The following FGGY variants were observed in gnomAD, a reference collection of about 807,000 sequenced individuals.
FGGY encodes FGGY carbohydrate kinase domain containing, also known as FGGY carbohydrate kinase domain-containing protein.
Under a neutral mutation model 71.3 loss-of-function variants are expected in FGGY, and 72 were observed. The observed-to-expected ratio is 1.01, with a 90% CI of 0.84 to 1.23. FGGY has a LOEUF of 1.23. Among genes scored for constraint, FGGY ranks in the 50% most tolerant of loss-of-function variants. FGGY has a pLI of 0.00. For synonymous variants in FGGY, 251 were observed against 250.3 expected (o/e 1.00, Z -0.02); for missense variants, 668 against 682.3 (o/e 0.98, Z 0.23).
Position 59,638,265 on chromosome 1 carries a change from G to C in FGGY, c.1111G>C (p.Asp371His), listed in dbSNP as rs138061070. ...ATATGCATATTTGAACAGTCACCTG[G>C]ATCTGATTAAGAAGGCTCAGCCTGT... is the stretch of plus-strand genomic sequence containing the variant. Reference protein sequence around the residue: ...SIYAYLNSHLDLIKKAQPVGF... With the variant: ...SIYAYLNSHLHLIKKAQPVGF... Residue 371 changes from aspartate (D) to histidine (H), a missense_variant, in exon 11 of 16, where the codon GAT becomes CAT. Asp to His is a moderately conservative substitution (Grantham distance 81, BLOSUM62 -1). Coordinates refer to ENST00000303721, the MANE Select transcript of FGGY (RefSeq NM_018291.5). 163 of 1,614,142 alleles carry C rather than the reference G, an allele frequency of 1.0e-4. No individual in the cohort carries two copies. The African/African-American group carries it at 2.1e-3, about 20-fold the overall frequency.
At chr1:59,400,551 T>G (rs2061825988) in intron 5 of FGGY, among the ~76,000 whole-genome samples, 2 of 151,894 alleles carry the variant, frequency 1.3e-5, no homozygotes. Flanking sequence ...TTTTGTTTTT[T>G]TTTTTTGTAT....
In FGGY at chr1:59,757,983, A is replaced by C. The variant is rs138656316; in HGVS notation, c.1565A>C (p.Gln522Pro). The change falls in exon 15 of 16, where the codon CAG (glutamine) becomes CCG (proline). Residue 522 changes from glutamine (Q) to proline (P), a missense_variant. This residue lies in a region of FGGY where 661 missense variants were observed against 661.6 expected (regional missense o/e 1.00). Coordinates refer to ENST00000303721, the MANE Select transcript of FGGY (RefSeq NM_018291.5). ...GGGAAAGTTGTGTTCCCGAGACTAC[A>C]GGATAAAAAGTAAGTGTGTATTTTT... ...KVGKVVFPRL[Q>P]DKKYYDKKYQ... 1 of 1,612,416 alleles carries C rather than the reference A, an allele frequency of 6.2e-7. No individual in the cohort carries two copies. Among genetic ancestry groups the C allele is most frequent in the South Asian group, 1.1e-5 (1 of 90,782 alleles).
intron 7 of FGGY, among the ~76,000 whole-genome samples, chr1:59,553,147 T>C (rs1179724503): frequency 1.3e-5 from 2 of 151,998 alleles, no homozygotes; most frequent in African/African-American, 4.8e-5. Context: ...GGATTAGAGA[T>C]TGAGAGCAAA....
At chr1:59,593,364 G>T (rs544693055) in intron 8 of FGGY, among the ~76,000 whole-genome samples, 35 of 152,256 alleles carry the variant, frequency 2.3e-4, no homozygotes, top group Admixed American at 1.1e-3. Context: ...GTCATGAAGG[G>T]TTCTTTAGGA....
intron 6 of FGGY, among the ~76,000 whole-genome samples, chr1:59,509,424 C>T (rs2094466956): frequency 6.6e-6 from 1 of 152,168 alleles, no homozygotes; most frequent in Admixed American, 6.5e-5. Flanking sequence ...CGCTTTCCTC[C>T]TGGCTTAATG....
At chr1:59,460,168 T>C (rs2092057293) in intron 6 of FGGY, among the ~76,000 whole-genome samples, 3 of 152,096 alleles carry the variant, frequency 2.0e-5, no homozygotes, top group Admixed American at 1.3e-4. Context: ...TGACAGACTG[T>C]ATCTGGAAAA....
intron 12 of FGGY, chr1:59,660,533 T>C (rs928647277): frequency 2.9e-6 from 1 of 348,184 alleles, no homozygotes; most frequent in Non-Finnish European, 5.2e-6. Flanking sequence ...AGATTATACT[T>C]GTCATTTATC....
At chr1:59,753,502 A>ATATATATG (rs1329758638) in intron 14 of FGGY, among the ~76,000 whole-genome samples, 3 of 117,808 alleles carry the variant, frequency 2.5e-5, no homozygotes, top group Admixed American at 8.9e-5. Context: ...ATATATATAT[A>ATATATATG]TATATATATA....
intron 5 of FGGY, among the ~76,000 whole-genome samples, chr1:59,433,554 A>G (rs1042153387): frequency 6.6e-6 from 1 of 152,156 alleles, no homozygotes; most frequent in Non-Finnish European, 1.5e-5. Flanking sequence ...TGGGTCATGG[A>G]GACCATCTGT....
At chr1:59,340,980 C>G (rs1335953885) in intron 3 of FGGY, among the ~76,000 whole-genome samples, 1 of 152,126 alleles carries the variant, frequency 6.6e-6, no homozygotes, top group Non-Finnish European at 1.5e-5. Context: ...GCCAAGATAG[C>G]CATTGCAAAC....
chr1:59,743,505 A>G (rs1481418777), intron 14 of FGGY, among the ~76,000 whole-genome samples: 3 of 152,236 alleles, frequency 2.0e-5, no homozygotes, highest in African/African-American at 7.2e-5. Flanking sequence ...ATTTTGAGAA[A>G]GAGGAAACTG....
At chr1:59,678,558 A>G (rs560194699) in intron 14 of FGGY, among the ~76,000 whole-genome samples, 1 of 152,358 alleles carries the variant, frequency 6.6e-6, no homozygotes, top group South Asian at 2.1e-4. Context: ...AGCAGTTTCA[A>G]GTCGTTGTGA....
In FGGY at chr1:59,638,286, C is replaced by G. The variant is rs2096982658; in HGVS notation, c.1132C>G (p.Pro378Ala). 1 of 1,614,038 alleles carries G rather than the reference C, an allele frequency of 6.2e-7. No homozygotes were observed. Among genetic ancestry groups the G allele is most frequent in the Non-Finnish European group, 8.5e-7 (1 of 1,180,022 alleles). ...SHLDLIKKAQ[P>A]VGFLTVDLHV... is the part of the protein sequence containing the mutation. ...CCTGGATCTGATTAAGAAGGCTCAG[C>G]CTGTGGGTTTCCTTACTGTTGATTT... The change falls in exon 11 of 16, where the codon CCT becomes GCT. Residue 378 changes from proline (P) to alanine (A), a missense_variant. By Grantham distance (27) the Pro-to-Ala change is conservative. Around this residue, in one of 2 missense-constraint regions of FGGY, gnomAD observed 661 missense variants for 661.6 expected, o/e 1.00. Coordinates refer to ENST00000303721, the MANE Select transcript of FGGY (RefSeq NM_018291.5).
chr1:59,528,006 C>G (rs1017956335), intron 7 of FGGY, among the ~76,000 whole-genome samples: 7 of 152,132 alleles, frequency 4.6e-5, no homozygotes, highest in African/African-American at 1.7e-4. Flanking sequence ...CACCACAACT[C>G]ATTCTGATCA....
At chr1:59,342,517 A>C (rs1321009164) in intron 3 of FGGY, among the ~76,000 whole-genome samples, 1 of 152,218 alleles carries the variant, frequency 6.6e-6, no homozygotes, top group Non-Finnish European at 1.5e-5. Context: ...GTTAAAGTGT[A>C]CCCATTCATC....
At chr1:59,541,320 TA>T in intron 7 of FGGY, among the ~76,000 whole-genome samples, 1 of 152,098 alleles carries the variant, frequency 6.6e-6, no homozygotes, top group African/African-American at 2.4e-5. Flanking sequence ...GAATTTCGGC[TA>T]TAGATTGGCA....
chr1:59,587,611 C>G (rs577366683), intron 8 of FGGY, among the ~76,000 whole-genome samples: 16 of 152,248 alleles, frequency 1.1e-4, no homozygotes, highest in African/African-American at 2.9e-4. Flanking sequence ...TCCAGAGGAA[C>G]GATCAGACAG....
At chr1:59,407,897 T>C (rs2063003999) in intron 5 of FGGY, among the ~76,000 whole-genome samples, 1 of 152,224 alleles carries the variant, frequency 6.6e-6, no homozygotes, top group African/African-American at 2.4e-5. Context: ...ATGTAAATTG[T>C]TCATCATCTT....
At chr1:59,506,689 C>G (rs1408450003) in intron 6 of FGGY, among the ~76,000 whole-genome samples, 2 of 152,120 alleles carry the variant, frequency 1.3e-5, no homozygotes, top group African/African-American at 4.8e-5. Context: ...GTCCCAGCAA[C>G]TTGAGAAGCC....
Sources: allele counts gnomAD v4.1 joint callset (sites outside exome capture counted in the v4.1 genomes callset), GRCh38; gene constraint gnomAD v4.1.1; regional missense constraint gnomAD v4.1.1; transcripts MANE v1.5; gene names NCBI Gene and HGNC (gene_info 2026-07-23, HGNC 2026-07-21).